Variants in NCAM2 observed in about 807,000 individuals in gnomAD.
The protein encoded by NCAM2 is neural cell adhesion molecule 2.
NCAM2 carries 30 observed loss-of-function variants against 98.1 expected under a neutral mutation model. That is an observed-to-expected ratio of 0.31 (90% CI 0.23 to 0.41). The LOEUF (loss-of-function observed/expected upper bound fraction) is 0.41. NCAM2 is among the 10% of genes least tolerant of loss of function. The pLI is 1.00. For synonymous variants in NCAM2, 368 were observed against 342.4 expected (o/e 1.07, Z -0.83); for missense variants, 867 against 1,005.8 (o/e 0.86, Z 1.87).
At chr21:21,406,949 C>A (rs2076751147) in intron 9 of NCAM2, among the ~76,000 whole-genome samples, 1 of 152,134 alleles carries the variant, frequency 6.6e-6, no homozygotes. Flanking sequence ...AAGTATCTTT[C>A]CACTTCTGCT....
At chr21:21,143,539 T>C (rs2067211002) in intron 1 of NCAM2, among the ~76,000 whole-genome samples, 1 of 152,212 alleles carries the variant, frequency 6.6e-6, no homozygotes, top group African/African-American at 2.4e-5. Flanking sequence ...GATTTTCCTC[T>C]GTGTATAGTT....
At chr21:21,458,105 G>A (rs1042413588) in intron 12 of NCAM2, among the ~76,000 whole-genome samples, 7 of 152,210 alleles carry the variant, frequency 4.6e-5, no homozygotes, top group African/African-American at 1.7e-4. Context: ...TCAAAGGAAG[G>A]TTTGAAGGTG....
chr21:21,504,188 A>C (rs2146342847), intron 15 of NCAM2, among the ~76,000 whole-genome samples: 1 of 152,062 alleles, frequency 6.6e-6, no homozygotes, highest in East Asian at 1.9e-4. Flanking sequence ...AAAGTATACA[A>C]CCTGGAGTTA....
intron 1 of NCAM2, among the ~76,000 whole-genome samples, chr21:21,273,012 CTG>C (rs2072586707): frequency 6.9e-6 from 1 of 145,262 alleles, no homozygotes; most frequent in African/African-American, 2.6e-5. Context: ...CACACACAAT[CTG>C]TAATTAAAAT....
At chr21:21,460,104 G>A (rs1022537688) in intron 12 of NCAM2, among the ~76,000 whole-genome samples, 3 of 151,558 alleles carry the variant, frequency 2.0e-5, no homozygotes, top group Non-Finnish European at 4.4e-5. Context: ...AATAAAGCTG[G>A]GAGAAAAGCA....
chr21:21,104,012 G>C (rs1159612478), intron 1 of NCAM2, among the ~76,000 whole-genome samples: 1 of 152,110 alleles, frequency 6.6e-6, no homozygotes, highest in Non-Finnish European at 1.5e-5. Flanking sequence ...GAAGAACAAA[G>C]AAGGGTGTCT....
At chr21:21,458,785 C>A (rs780872448) in intron 12 of NCAM2, among the ~76,000 whole-genome samples, 9 of 152,044 alleles carry the variant, frequency 5.9e-5, no homozygotes, top group Non-Finnish European at 1.2e-4. Flanking sequence ...CGTTGGTCTG[C>A]ACAATGATTA....
intron 13 of NCAM2, among the ~76,000 whole-genome samples, chr21:21,468,324 T>C (rs981558697): frequency 6.6e-6 from 1 of 151,966 alleles, no homozygotes; most frequent in African/African-American, 2.4e-5. Context: ...AAATTTACAT[T>C]AAGAAAATAA....
intron 12 of NCAM2, among the ~76,000 whole-genome samples, chr21:21,450,931 A>G (rs569972165): frequency 6.6e-6 from 1 of 151,582 alleles, no homozygotes; most frequent in South Asian, 2.1e-4. Context: ...GCTGCTTTTA[A>G]TTTAAAGGGT....
At chr21:21,176,155 T>A (rs1289556272) in intron 1 of NCAM2, among the ~76,000 whole-genome samples, 1 of 152,202 alleles carries the variant, frequency 6.6e-6, no homozygotes, top group Non-Finnish European at 1.5e-5. Flanking sequence ...AGTTAAGAGA[T>A]AACACCTGTG....
intron 1 of NCAM2, among the ~76,000 whole-genome samples, chr21:21,168,046 A>G (rs1236943846): frequency 6.6e-6 from 1 of 152,184 alleles, no homozygotes; most frequent in East Asian, 1.9e-4. Context: ...CATAGACGCA[A>G]AAATCCTCAA....
intron 8 of NCAM2, among the ~76,000 whole-genome samples, chr21:21,357,023 A>G (rs147232582): frequency 3.4e-5 from 5 of 146,596 alleles, no homozygotes; most frequent in African/African-American, 1.2e-4. Flanking sequence ...ATAAATAAAT[A>G]AATGTTTCTT....
chr21:21,149,129 A>C (rs752024776), intron 1 of NCAM2, among the ~76,000 whole-genome samples: 1 of 152,176 alleles, frequency 6.6e-6, no homozygotes, highest in African/African-American at 2.4e-5. Flanking sequence ...AGTTTGTATA[A>C]AATCTTGAAA....
chr21:21,402,896 A>G (rs1207407509), intron 9 of NCAM2, among the ~76,000 whole-genome samples: 1 of 152,154 alleles, frequency 6.6e-6, no homozygotes, highest in Non-Finnish European at 1.5e-5. Context: ...TTCATAATAC[A>G]TGTACTAATT....
chr21:21,080,693 C>G (rs904717555), intron 1 of NCAM2, among the ~76,000 whole-genome samples: 5 of 134,380 alleles, frequency 3.7e-5, no homozygotes, highest in African/African-American at 1.3e-4. Flanking sequence ...AACATTGATT[C>G]ATACCCCTAA....
intron 1 of NCAM2, among the ~76,000 whole-genome samples, chr21:21,242,222 A>G (rs1331153245): frequency 7.6e-6 from 1 of 131,748 alleles, no homozygotes; most frequent in Non-Finnish European, 1.6e-5. Flanking sequence ...ATTTTAATTG[A>G]CAAATAATTG....
intron 9 of NCAM2, among the ~76,000 whole-genome samples, chr21:21,387,286 A>G (rs532118011): frequency 6.6e-6 from 1 of 152,050 alleles, no homozygotes; most frequent in Non-Finnish European, 1.5e-5. Flanking sequence ...TTTCACCCTC[A>G]TAACGTCACT....
intron 12 of NCAM2, among the ~76,000 whole-genome samples, chr21:21,459,204 C>G (rs923841868): frequency 2.0e-5 from 3 of 151,600 alleles, no homozygotes; most frequent in African/African-American, 7.3e-5. Context: ...GTTAAGTGTT[C>G]GCAAGCATGT....
intron 9 of NCAM2, among the ~76,000 whole-genome samples, chr21:21,399,659 A>G (rs2076586487): frequency 6.6e-6 from 1 of 152,106 alleles, no homozygotes; most frequent in East Asian, 1.9e-4. Context: ...TTTTATAGTG[A>G]GTTACCTGGT....
Sources: allele counts gnomAD v4.1 joint callset (sites outside exome capture counted in the v4.1 genomes callset), GRCh38; gene constraint gnomAD v4.1.1; transcripts MANE v1.5; gene names NCBI Gene and HGNC (gene_info 2026-07-23, HGNC 2026-07-21).